The following NSD2 variants were observed in gnomAD, a reference collection of about 807,000 sequenced individuals.
NSD2 encodes histone-lysine N-methyltransferase NSD2.
A neutral mutation model predicts 139.0 loss-of-function variants in NSD2; 12 were observed. The observed-to-expected ratio is 0.09, with a 90% CI of 0.06 to 0.14. The LOEUF (loss-of-function observed/expected upper bound fraction) is 0.14, where lower values mean the gene tolerates loss of function less well. Ranked by LOEUF, NSD2 falls within the 10% of genes least tolerant of loss-of-function variation. The pLI is 1.00. For synonymous variants in NSD2, 669 were observed against 648.7 expected, an observed-to-expected ratio of 1.03 and a Z score of -0.48; for missense variants, 1,155 against 1,745.0, an observed-to-expected ratio of 0.66 and a Z score of 6.02.
intron 1 of NSD2, among the ~76,000 whole-genome samples, chr4:1,895,990 GCTT>G (rs1197771317): frequency 2.6e-5 from 4 of 152,216 alleles, no homozygotes; most frequent in Admixed American, 2.6e-4. Flanking sequence ...CCTGGTGGTG[GCTT>G]CTTTTCCTCC....
intron 1 of NSD2, among the ~76,000 whole-genome samples, chr4:1,891,004 C>T (rs2108700920): frequency 6.6e-6 from 1 of 152,242 alleles, no homozygotes; most frequent in East Asian, 1.9e-4. Context: ...AGTGGTCTTC[C>T]CACCTCAGCT....
At chr4:1,971,742 G>A (rs569537917) in intron 18 of NSD2, among the ~76,000 whole-genome samples, 52 of 152,276 alleles carry the variant, frequency 3.4e-4, no homozygotes, top group African/African-American at 1.1e-3. Flanking sequence ...CCTTGTGACC[G>A]AGTGGGGTTT....
At chr4:1,912,881 A>T (rs1718860131) in intron 3 of NSD2, among the ~76,000 whole-genome samples, 1 of 152,036 alleles carries the variant, frequency 6.6e-6, no homozygotes, top group Non-Finnish European at 1.5e-5. Flanking sequence ...AGTTATTTAC[A>T]TTGTTTTCTG....
chr4:1,884,160 A>G lies in NSD2; in HGVS notation c.-30+12618A>G, dbSNP rs1714908481. ...ACCCAGGCTGGAGTGCAGTGGCATG[A>G]TCTTGGCTCACTGCAACCTCTGCCT... On this transcript the variant is annotated intron_variant, in intron 1 of 21. Transcript: ENST00000508803. Among the ~76,000 whole-genome samples the G allele has an allele frequency of 2.0e-5, 3 of 152,014 alleles. No homozygotes were observed. The South Asian group carries it at 6.2e-4, about 32-fold the overall frequency.
chr4:1,934,999 A>G, intron 6 of NSD2, 145 bp from the exon 7 acceptor site: 2 of 463,884 alleles, frequency 4.3e-6, no homozygotes, highest in Non-Finnish European at 3.8e-6. Context: ...TCTGTAAGAC[A>G]TAAGCCCTGG....
At chr4:1,916,594 G>A (rs1265845641) in intron 3 of NSD2, among the ~76,000 whole-genome samples, 2 of 152,090 alleles carry the variant, frequency 1.3e-5, no homozygotes, top group Admixed American at 6.6e-5. Flanking sequence ...TCCCTGCCTC[G>A]GCCTCCCAAA....
At chr4:1,957,311 T>C (rs1038376444) in intron 15 of NSD2, among the ~76,000 whole-genome samples, 2 of 150,740 alleles carry the variant, frequency 1.3e-5, no homozygotes, top group Non-Finnish European at 3.0e-5. Flanking sequence ...TGAGACTGAG[T>C]CTTGCTCTGT....
chr4:1,953,185 A>G (rs1258381696), intron 11 of NSD2, 139 bp from the exon 12 acceptor site: 2 of 1,561,756 alleles, frequency 1.3e-6, no homozygotes, highest in Admixed American at 3.9e-5. Flanking sequence ...ACTAGTGAGC[A>G]AGGTTGGAAA....
At position 1,895,160 on chromosome 4, in the gene NSD2, A is replaced by G. The variant is rs34251816; in HGVS notation, c.-29-5466A>G. Among the ~76,000 whole-genome samples, 1,001 of 152,314 alleles carry G rather than the reference A, an allele frequency of 6.6e-3. 8 individuals are homozygous for G. The highest frequency in any genetic ancestry group is 0.01 in the Non-Finnish European group (706 of 68,026). On this transcript the variant is annotated intron_variant, in intron 1 of 21. Transcript: ENST00000508803. ...TACTACTCCACTGTGCAGATAGTCT[A>G]CATTTTGGTTATCTATTCATCTGTT...
intron 18 of NSD2, among the ~76,000 whole-genome samples, chr4:1,968,507 T>C (rs1484500526): frequency 3.3e-5 from 5 of 151,982 alleles, no homozygotes; most frequent in Non-Finnish European, 5.9e-5. Context: ...GCTAAATGAA[T>C]AGAAGTGGAA....
intron 3 of NSD2, among the ~76,000 whole-genome samples, chr4:1,908,321 C>T (rs562576029): frequency 6.6e-6 from 1 of 152,204 alleles, no homozygotes. Flanking sequence ...AAGGGAGTGT[C>T]CTGCACCAGC....
intron 9 of NSD2, chr4:1,946,106 G>A: frequency 1.9e-6 from 2 of 1,029,934 alleles, no homozygotes; most frequent in South Asian, 4.6e-5. Context: ...AATTGCTGAG[G>A]TGTGCGGTTT....
chr4:1,923,022 C>G (rs895591902), intron 5 of NSD2, among the ~76,000 whole-genome samples: 6 of 152,084 alleles, frequency 3.9e-5, no homozygotes, highest in African/African-American at 1.4e-4. Flanking sequence ...GATGGGAAAG[C>G]GCTGCAGGCC....
At chr4:1,894,157 A>G (rs751258620) in intron 1 of NSD2, among the ~76,000 whole-genome samples, 12 of 151,966 alleles carry the variant, frequency 7.9e-5, no homozygotes, top group Non-Finnish European at 1.3e-4. Flanking sequence ...GCGTCTTACT[A>G]TGTTGGCCAG....
chr4:1,945,124 C>G, intron 9 of NSD2: 1 of 1,066,276 alleles, frequency 9.4e-7, no homozygotes. Flanking sequence ...GAGAGGTCCC[C>G]GCAGCTCTAG....
At chr4:1,899,147 A>G (rs1209107421) in intron 1 of NSD2, 1 of 152,264 alleles carries the variant, frequency 6.6e-6, no homozygotes, top group Non-Finnish European at 1.5e-5. Flanking sequence ...TCCAGAGCAC[A>G]TGAAGCTGAA....
At chr4:1,920,517 A>G (rs1719975867) in intron 5 of NSD2, among the ~76,000 whole-genome samples, 1 of 152,204 alleles carries the variant, frequency 6.6e-6, no homozygotes, top group Non-Finnish European at 1.5e-5. Context: ...ATAGAGGGAG[A>G]AAAGGCATTT....
At chr4:1,913,853 C>G (rs569077048) in intron 3 of NSD2, among the ~76,000 whole-genome samples, 2 of 152,152 alleles carry the variant, frequency 1.3e-5, no homozygotes, top group Non-Finnish European at 2.9e-5. Flanking sequence ...TTTCTACCAT[C>G]TCTCGTCTCC....
chr4:1,938,040 G>T (rs910375948), intron 7 of NSD2, among the ~76,000 whole-genome samples: 3 of 152,200 alleles, frequency 2.0e-5, no homozygotes, highest in African/African-American at 7.2e-5. Context: ...TGAATGGAAG[G>T]ATCCATTTTT....
Sources: allele counts gnomAD v4.1 joint callset (sites outside exome capture counted in the v4.1 genomes callset), GRCh38; gene constraint gnomAD v4.1.1; transcripts MANE v1.5; gene names NCBI Gene and HGNC (gene_info 2026-07-23, HGNC 2026-07-21).